Variants in MYO3B observed in about 807,000 individuals in gnomAD.
MYO3B encodes the protein myosin IIIB.
Under a neutral mutation model 174.6 loss-of-function variants are expected in MYO3B, and 156 were observed. That is an observed-to-expected ratio of 0.89 (90% CI 0.78 to 1.02). MYO3B has a LOEUF of 1.02. MYO3B is among the 50% of genes least tolerant of loss of function. The pLI, the probability that MYO3B is intolerant of heterozygous loss-of-function variation, is 0.00. For missense variants in MYO3B, 1,632 were observed against 1,639.4 expected (o/e 1.00, Z 0.08); for synonymous variants, 563 against 569.1 (o/e 0.99, Z 0.15).
chr2:170,628,557 C>G (rs1352614392), intron 32 of MYO3B, among the ~76,000 whole-genome samples: 1 of 152,210 alleles, frequency 6.6e-6, no homozygotes, highest in East Asian at 1.9e-4. Context: ...CACCGTCCGA[C>G]AAGCCCCTGT....
intron 32 of MYO3B, among the ~76,000 whole-genome samples, chr2:170,561,739 T>C (rs78641301): frequency 0.017 from 2,656 of 152,336 alleles, 65 homozygotes; most frequent in East Asian, 0.088. Flanking sequence ...TCTTTTTTGG[T>C]TAGATGTCTC....
intron 8 of MYO3B, among the ~76,000 whole-genome samples, chr2:170,362,412 C>T (rs901617326): frequency 2.0e-5 from 3 of 152,280 alleles, no homozygotes; most frequent in African/African-American, 7.2e-5. Context: ...ACTTGTTTAT[C>T]TTTCCAACCT....
intron 25 of MYO3B, among the ~76,000 whole-genome samples, chr2:170,492,956 A>G (rs1376687312): frequency 6.6e-6 from 1 of 152,202 alleles, no homozygotes; most frequent in Non-Finnish European, 1.5e-5. Context: ...TGTCTTACCA[A>G]AGATTTTTCT....
At chr2:170,621,765 G>T (rs902188981) in intron 32 of MYO3B, among the ~76,000 whole-genome samples, 1 of 152,088 alleles carries the variant, frequency 6.6e-6, no homozygotes, top group Admixed American at 6.5e-5. Flanking sequence ...ACCCGCCTCG[G>T]CCTCCCAAAG....
In MYO3B at chr2:170,564,855, C is replaced by A. The variant is rs188685041; in HGVS notation, c.3733+20867C>A. Among the ~76,000 whole-genome samples the A allele has an allele frequency of 4.5e-3, 679 of 152,014 alleles. 4 individuals are homozygous for A. Among genetic ancestry groups the A allele is most frequent in the African/African-American group, 0.015 (637 of 41,466 alleles). ...AAGACTTTTTTATTATCATAATAAC[C>A]TAAGGTTCTGCTGCAGTTTTGCCTG... On this transcript the variant is annotated intron_variant, in intron 32 of 34. Transcript: ENST00000408978.
chr2:170,278,881 T>A (rs1410747761), intron 7 of MYO3B, among the ~76,000 whole-genome samples: 1 of 152,138 alleles, frequency 6.6e-6, no homozygotes, highest in Non-Finnish European at 1.5e-5. Context: ...GCGATATTTG[T>A]CTTTCAGTTT....
chr2:170,643,439 G>A (rs1559194142), intron 32 of MYO3B, among the ~76,000 whole-genome samples: 1 of 152,132 alleles, frequency 6.6e-6, no homozygotes, highest in African/African-American at 2.4e-5. Flanking sequence ...ATTGTCACCT[G>A]CAAATGCCCT....
intron 10 of MYO3B, chr2:170,382,728 A>G (rs2094344772): frequency 5.1e-6 from 1 of 195,538 alleles, no homozygotes; most frequent in Non-Finnish European, 1.1e-5. Context: ...GTGCTCTATC[A>G]GTAGGAACAG....
chr2:170,255,070 G>A (rs2105338281), intron 7 of MYO3B, among the ~76,000 whole-genome samples: 1 of 152,320 alleles, frequency 6.6e-6, no homozygotes, highest in East Asian at 1.9e-4. Context: ...CTACTGCTCT[G>A]CCTGGGGATC....
chr2:170,547,709 A>T (rs1010319162), intron 32 of MYO3B, among the ~76,000 whole-genome samples: 4 of 152,248 alleles, frequency 2.6e-5, no homozygotes, highest in African/African-American at 9.6e-5. Flanking sequence ...ATTACTAACA[A>T]AATAATCATG....
intron 32 of MYO3B, among the ~76,000 whole-genome samples, chr2:170,637,260 C>T (rs2105420949): frequency 6.6e-6 from 1 of 150,930 alleles, no homozygotes; most frequent in Non-Finnish European, 1.5e-5. Flanking sequence ...CAACCTCTGC[C>T]TCCCGGGTTC....
intron 32 of MYO3B, among the ~76,000 whole-genome samples, chr2:170,596,998 T>C (rs1694193935): frequency 6.6e-6 from 1 of 152,122 alleles, no homozygotes; most frequent in Non-Finnish European, 1.5e-5. Context: ...AATCTCCGTT[T>C]CAGGGATGTA....
chr2:170,278,951 G>A (rs1015826373), intron 7 of MYO3B, among the ~76,000 whole-genome samples: 3 of 152,086 alleles, frequency 2.0e-5, no homozygotes, highest in Non-Finnish European at 4.4e-5. Flanking sequence ...GCAAGTGACA[G>A]GATTTTATTC....
chr2:170,646,032 G>A (rs1300910248), intron 32 of MYO3B, among the ~76,000 whole-genome samples: 2 of 152,142 alleles, frequency 1.3e-5, no homozygotes, highest in African/African-American at 2.4e-5. Flanking sequence ...AGCAATTAGG[G>A]AGGCTGAGGC....
chr2:170,454,142 A>G (rs1029286960), intron 23 of MYO3B, among the ~76,000 whole-genome samples: 1 of 152,222 alleles, frequency 6.6e-6, no homozygotes, highest in Non-Finnish European at 1.5e-5. Flanking sequence ...GAATTCCAAG[A>G]GTATTCCTTC....
At chr2:170,481,902 A>G (rs1685710920) in intron 25 of MYO3B, among the ~76,000 whole-genome samples, 1 of 152,130 alleles carries the variant, frequency 6.6e-6, no homozygotes, top group African/African-American at 2.4e-5. Flanking sequence ...GTATTAGAGT[A>G]TTAGGGAGGT....
At chr2:170,616,901 A>G (rs897533909) in intron 32 of MYO3B, among the ~76,000 whole-genome samples, 1 of 152,228 alleles carries the variant, frequency 6.6e-6, no homozygotes, top group African/African-American at 2.4e-5. Flanking sequence ...CTGATTCCCA[A>G]TTGTGAACAG....
intron 6 of MYO3B, among the ~76,000 whole-genome samples, chr2:170,220,174 C>T (rs908996725): frequency 1.3e-4 from 20 of 151,936 alleles, no homozygotes; most frequent in African/African-American, 4.6e-4. Context: ...AGAAGAATGG[C>T]GTGAACCCGG....
chr2:170,523,935 G>T (rs938622494), intron 30 of MYO3B, among the ~76,000 whole-genome samples: 1 of 152,190 alleles, frequency 6.6e-6, no homozygotes, highest in Non-Finnish European at 1.5e-5. Context: ...ATTAGGCAAA[G>T]AAGAAAGGAA....
Sources: gnomAD v4.1 joint callset for allele counts (sites outside exome capture counted in the v4.1 genomes callset) on GRCh38, gnomAD v4.1.1 for gene constraint, MANE v1.5 for transcripts, NCBI Gene and HGNC (gene_info 2026-07-23, HGNC 2026-07-21) for gene names.